Variants in NCKAP5 observed in about 807,000 individuals in gnomAD.
The protein encoded by NCKAP5 is nck-associated protein 5.
Under a neutral mutation model 167.0 loss-of-function variants are expected in NCKAP5, and 92 were observed. The ratio of observed to expected loss-of-function variants is 0.55; its 90% CI spans 0.47 to 0.66. NCKAP5 has a LOEUF of 0.66. Among genes scored for constraint, NCKAP5 ranks in the 30% least tolerant of loss-of-function variants. The probability of loss-of-function intolerance (pLI) is 0.00; values close to 1 mark genes in which losing one functional copy is unlikely to be tolerated. For missense variants in NCKAP5, 2,378 were observed against 2,315.0 expected, an observed-to-expected ratio of 1.03 and a Z score of -0.56; for synonymous variants, 891 against 877.4, an observed-to-expected ratio of 1.02 and a Z score of -0.27.
At chr2:132,972,445 G>A (rs145646219) in intron 7 of NCKAP5, among the ~76,000 whole-genome samples, 7 of 152,288 alleles carry the variant, frequency 4.6e-5, no homozygotes, top group Admixed American at 2.6e-4. Context: ...AGTAATTTAG[G>A]CTGGGCGCGG....
the NCKAP5 span, among the ~76,000 whole-genome samples, chr2:133,617,111 G>A: frequency 6.6e-6 from 1 of 152,126 alleles, no homozygotes; most frequent in Non-Finnish European, 1.5e-5. Context: ...AGCCCTTCAT[G>A]CTAAAAACTC....
upstream of NCKAP5, among the ~76,000 whole-genome samples, chr2:133,571,867 C>T (rs1176730300): frequency 1.3e-5 from 2 of 151,930 alleles, no homozygotes; most frequent in African/African-American, 4.8e-5. Context: ...GCTTTCAGTG[C>T]ATCATCTAAT....
rs553786995 is a variant in NCKAP5 at position 133,543,557 on chromosome 2, C to T, written c.-62+15493G>A. Among the ~76,000 whole-genome samples the T allele has an allele frequency of 9.2e-5, 14 of 152,292 alleles. No homozygotes were observed. The South Asian group carries it at 2.9e-3, about 32-fold the overall frequency. Reference sequence around the variant, plus strand: ...GTATTATTTCAGTCTGATATTATCACTCCTAAGTTTCAAAAATGAAATTTT... The same window carrying T: ...GTATTATTTCAGTCTGATATTATCATTCCTAAGTTTCAAAAATGAAATTTT... On this transcript the variant is annotated intron_variant, in intron 2 of 19. Coordinates refer to ENST00000409261, the MANE Select transcript of NCKAP5 (RefSeq NM_207363.3).
At chr2:133,373,992 G>A (rs905598452) in intron 3 of NCKAP5, among the ~76,000 whole-genome samples, 1 of 152,188 alleles carries the variant, frequency 6.6e-6, no homozygotes, top group Non-Finnish European at 1.5e-5. Context: ...TAGTAATGGT[G>A]CAATCACATG....
In NCKAP5 at chr2:133,058,124, GA is replaced by G. The variant is rs891324678; in HGVS notation, c.342-63886del. Among the ~76,000 whole-genome samples the G allele has an allele frequency of 5.3e-3, 788 of 147,618 alleles. 6 individuals carry two copies. The highest frequency in any genetic ancestry group is 0.016 in the African/African-American group (658 of 40,474). ...ACCCAGTGTTGAGACCTACTGCTTAGAAAAAAAAAAATTCCTTTCAAAATAT... is the reference window on the plus strand; with the variant it reads ...ACCCAGTGTTGAGACCTACTGCTTAGAAAAAAAAAATTCCTTTCAAAATAT... On this transcript the variant is annotated intron_variant, in intron 6 of 19. Transcript: ENST00000409261.
At chr2:132,793,003 T>C (rs886953950) in intron 12 of NCKAP5, among the ~76,000 whole-genome samples, 2 of 152,052 alleles carry the variant, frequency 1.3e-5, no homozygotes, top group East Asian at 3.9e-4. Context: ...TCTGTTTTGT[T>C]TTGTTTTGTT....
At chr2:133,355,574 G>A (rs954739394) in intron 3 of NCKAP5, among the ~76,000 whole-genome samples, 6 of 151,944 alleles carry the variant, frequency 3.9e-5, no homozygotes, top group East Asian at 1.9e-4. Context: ...AAGATCTTAC[G>A]GTATTGTGAT....
At chr2:133,323,218 CTA>C (rs1417122426) in intron 3 of NCKAP5, among the ~76,000 whole-genome samples, 4 of 152,126 alleles carry the variant, frequency 2.6e-5, no homozygotes, top group East Asian at 1.9e-4. Flanking sequence ...TTCTTTAACT[CTA>C]TTTCGTGATC....
At chr2:132,921,198 C>T (rs1025537803) in intron 8 of NCKAP5, among the ~76,000 whole-genome samples, 4 of 151,982 alleles carry the variant, frequency 2.6e-5, no homozygotes, top group Admixed American at 6.6e-5. Flanking sequence ...CCTCATGTAC[C>T]AAACTGAACC....
At chr2:133,637,994 T>C in the NCKAP5 span, among the ~76,000 whole-genome samples, 16 of 152,116 alleles carry the variant, frequency 1.1e-4, no homozygotes, top group Non-Finnish European at 1.8e-4. Context: ...TTCAAAAATA[T>C]ATAGGTTAGA....
chr2:132,728,587 T>C (rs115213906), intron 18 of NCKAP5, among the ~76,000 whole-genome samples: 155 of 152,208 alleles, frequency 1.0e-3, no homozygotes, highest in African/African-American at 3.6e-3. Flanking sequence ...AGAATCTGGG[T>C]GCATTTCAGA....
At chr2:133,387,620 T>C (rs952852556) in intron 3 of NCKAP5, among the ~76,000 whole-genome samples, 2 of 152,060 alleles carry the variant, frequency 1.3e-5, no homozygotes, top group Non-Finnish European at 2.9e-5. Context: ...AAGTTCGGGA[T>C]AATATCCTGA....
chr2:132,893,079 A>G (rs1692854911), intron 8 of NCKAP5, among the ~76,000 whole-genome samples: 1 of 152,094 alleles, frequency 6.6e-6, no homozygotes, highest in African/African-American at 2.4e-5. Context: ...AGAGGAAGCC[A>G]CTTATAAAGC....
chr2:132,864,657 A>G (rs1690199187), intron 10 of NCKAP5, among the ~76,000 whole-genome samples: 2 of 152,222 alleles, frequency 1.3e-5, no homozygotes, highest in Admixed American at 1.3e-4. Flanking sequence ...TAAAATTGTT[A>G]TCAGCTCTAG....
chr2:133,666,851 T>A, the NCKAP5 span, among the ~76,000 whole-genome samples: 27 of 151,918 alleles, frequency 1.8e-4, no homozygotes, highest in South Asian at 5.2e-3. Flanking sequence ...CTGGTCAGAG[T>A]ATTACAGCAA....
At chr2:133,659,265 T>A in the NCKAP5 span, among the ~76,000 whole-genome samples, 1 of 152,064 alleles carries the variant, frequency 6.6e-6, no homozygotes, top group Non-Finnish European at 1.5e-5. Context: ...ACAAATGGTG[T>A]TGAAAAAACT....
At chr2:133,128,767 T>C (rs1222106026) in intron 6 of NCKAP5, among the ~76,000 whole-genome samples, 1 of 152,004 alleles carries the variant, frequency 6.6e-6, no homozygotes, top group African/African-American at 2.4e-5. Flanking sequence ...CCGGCTAATT[T>C]TTGTGTTTTT....
chr2:133,273,361 C>T (rs897356444), intron 4 of NCKAP5, among the ~76,000 whole-genome samples: 1 of 152,082 alleles, frequency 6.6e-6, no homozygotes, highest in African/African-American at 2.4e-5. Flanking sequence ...TTCTTTTCAA[C>T]TCCTTTGTCC....
At chr2:132,788,216 A>G (rs906384521) in intron 13 of NCKAP5, among the ~76,000 whole-genome samples, 1 of 152,214 alleles carries the variant, frequency 6.6e-6, no homozygotes, top group Non-Finnish European at 1.5e-5. Flanking sequence ...GAAAGTTGGA[A>G]GAGAGTTGCT....
Sources: gnomAD v4.1 joint callset for allele counts (sites outside exome capture counted in the v4.1 genomes callset) on GRCh38, gnomAD v4.1.1 for gene constraint, MANE v1.5 for transcripts, NCBI Gene and HGNC (gene_info 2026-07-23, HGNC 2026-07-21) for gene names.